Variants in TEX9 observed in about 807,000 individuals in gnomAD.
TEX9 encodes the protein testis expressed 9.
TEX9 carries 74 observed loss-of-function variants against 59.6 expected under a neutral mutation model. The ratio of observed to expected loss-of-function variants is 1.24; its 90% CI spans 1.03 to 1.51. TEX9 has a LOEUF of 1.51. Ranked by LOEUF, TEX9 falls within the 40% of genes most tolerant of loss-of-function variation. The pLI, the probability that TEX9 is intolerant of heterozygous loss-of-function variation, is 0.00. For missense variants in TEX9, 522 were observed against 447.8 expected, an observed-to-expected ratio of 1.17 and a Z score of -1.49; for synonymous variants, 186 against 152.2, an observed-to-expected ratio of 1.22 and a Z score of -1.64.
chr15:56,336,135 G>C (rs2046252097), intron 1 of TEX9, among the ~76,000 whole-genome samples: 1 of 152,124 alleles, frequency 6.6e-6, no homozygotes, highest in African/African-American at 2.4e-5. Flanking sequence ...TTAGTTTGTA[G>C]CGGTGGCAAA....
At chr15:56,370,314 A>G (rs1250852576) in intron 2 of TEX9, among the ~76,000 whole-genome samples, 1 of 152,142 alleles carries the variant, frequency 6.6e-6, no homozygotes, top group African/African-American at 2.4e-5. Context: ...ACACCCAGTT[A>G]ATCATCAATT....
At chr15:56,259,454 A>G (rs1473576895) in intron 1 of TEX9, among the ~76,000 whole-genome samples, 1 of 152,088 alleles carries the variant, frequency 6.6e-6, no homozygotes, top group Non-Finnish European at 1.5e-5. Context: ...AATTAAGGTT[A>G]AAGTCTGTTT....
intron 6 of TEX9, among the ~76,000 whole-genome samples, chr15:56,390,165 A>G (rs2048140283): frequency 6.6e-6 from 1 of 151,978 alleles, no homozygotes; most frequent in South Asian, 2.1e-4. Flanking sequence ...ATTGAAGAAA[A>G]GAACATACAT....
intron 1 of TEX9, among the ~76,000 whole-genome samples, chr15:56,280,663 T>C (rs2044794212): frequency 6.6e-6 from 1 of 152,240 alleles, no homozygotes; most frequent in Non-Finnish European, 1.5e-5. Context: ...TGTAATAATG[T>C]TTTTAATCTC....
intron 1 of TEX9, among the ~76,000 whole-genome samples, chr15:56,307,594 G>A (rs184909735): frequency 3.9e-4 from 59 of 152,244 alleles, no homozygotes; most frequent in Non-Finnish European, 6.0e-4. Context: ...CATAAATTAC[G>A]TATCATAAAA....
intron 1 of TEX9, among the ~76,000 whole-genome samples, chr15:56,304,162 G>A (rs74445483): frequency 0.044 from 6,683 of 152,270 alleles, 222 homozygotes; most frequent in Admixed American, 0.086. Context: ...GTATTACTCT[G>A]GAGTGCAGTG....
chr15:56,318,602 A>G (rs556803995), intron 1 of TEX9, among the ~76,000 whole-genome samples: 1 of 151,514 alleles, frequency 6.6e-6, no homozygotes, highest in Non-Finnish European at 1.5e-5. Flanking sequence ...TTGTTTCTTT[A>G]TTCCTTTATT....
At chr15:56,358,812 C>A (rs1466438721) in intron 1 of TEX9, among the ~76,000 whole-genome samples, 8 of 152,056 alleles carry the variant, frequency 5.3e-5, no homozygotes, top group Admixed American at 4.6e-4. Flanking sequence ...CCATGCTGTT[C>A]TCGTGATAGT....
At chr15:56,457,024 CAT>C in the TEX9 span, among the ~76,000 whole-genome samples, 1 of 152,176 alleles carries the variant, frequency 6.6e-6, no homozygotes, top group Non-Finnish European at 1.5e-5. Flanking sequence ...ATTGTCTCAA[CAT>C]ACTTTTCTAG....
intron 1 of TEX9, among the ~76,000 whole-genome samples, chr15:56,281,677 C>T (rs1374255186): frequency 1.3e-5 from 2 of 152,182 alleles, no homozygotes; most frequent in African/African-American, 4.8e-5. Flanking sequence ...AAGAAATCTA[C>T]ATTATCTACC....
chr15:56,429,020 C>T, intron 12 of TEX9: 1 of 772,306 alleles, frequency 1.3e-6, no homozygotes, highest in Non-Finnish European at 2.0e-6. Flanking sequence ...TACCTAATGC[C>T]ACTGAACTGT....
At chr15:56,335,913 G>T (rs1778195065) in intron 1 of TEX9, among the ~76,000 whole-genome samples, 1 of 152,034 alleles carries the variant, frequency 6.6e-6, no homozygotes, top group Non-Finnish European at 1.5e-5. Context: ...TTATATGATT[G>T]TATCATAAAT....
chr15:56,258,944 CAT>C (rs2044205849), intron 1 of TEX9, among the ~76,000 whole-genome samples: 1 of 149,220 alleles, frequency 6.7e-6, no homozygotes, highest in East Asian at 1.9e-4. Flanking sequence ...ATATATAAAA[CAT>C]ATATAATACA....
At chr15:56,453,967 C>A in the TEX9 span, among the ~76,000 whole-genome samples, 4 of 152,106 alleles carry the variant, frequency 2.6e-5, no homozygotes, top group Admixed American at 6.5e-5. Context: ...AGCACCAGAG[C>A]AGTTCCCTGA....
At chr15:56,279,988 G>A (rs764658338) in intron 1 of TEX9, among the ~76,000 whole-genome samples, 1 of 152,208 alleles carries the variant, frequency 6.6e-6, no homozygotes, top group Non-Finnish European at 1.5e-5. Context: ...ATAAGCTGTA[G>A]CTCCCAGTCA....
chr15:56,271,989 A>G (rs1392426379), intron 1 of TEX9, among the ~76,000 whole-genome samples: 1 of 151,960 alleles, frequency 6.6e-6, no homozygotes, highest in Non-Finnish European at 1.5e-5. Context: ...AACTACAAAA[A>G]CAAAATTAGC....
chr15:56,444,569 G>C, intron 12 of TEX9: 1 of 1,612,700 alleles, frequency 6.2e-7, no homozygotes, highest in East Asian at 2.2e-5. Context: ...AGTCAAGATA[G>C]TACTGTGCTT....
At chr15:56,355,741 T>C (rs1207270013) in intron 1 of TEX9, among the ~76,000 whole-genome samples, 1 of 152,110 alleles carries the variant, frequency 6.6e-6, no homozygotes, top group Non-Finnish European at 1.5e-5. Context: ...TTAGTTATCT[T>C]TGATATTTTC....
At chr15:56,448,229 T>C (rs1421073700), downstream of TEX9, among the ~76,000 whole-genome samples, 1 of 152,218 alleles carries the variant, frequency 6.6e-6, no homozygotes, top group African/African-American at 2.4e-5. Context: ...CCAAACTGTC[T>C]ACTAAAGTGG....
Sources: allele counts gnomAD v4.1 joint callset (sites outside exome capture counted in the v4.1 genomes callset), GRCh38; gene constraint gnomAD v4.1.1; transcripts MANE v1.5; gene names NCBI Gene and HGNC (gene_info 2026-07-23, HGNC 2026-07-21).